PARP10: variants seen among roughly 807,000 people sequenced by gnomAD.
PARP10 encodes the protein protein mono-ADP-ribosyltransferase PARP10.
Under a neutral mutation model 82.4 loss-of-function variants are expected in PARP10, and 56 were observed. That is an observed-to-expected ratio of 0.68 (90% CI 0.55 to 0.85). PARP10 has a LOEUF of 0.85. Ranked by LOEUF, PARP10 falls within the 40% of genes least tolerant of loss-of-function variation. PARP10 has a pLI of 0.00. For synonymous variants in PARP10, 576 were observed against 601.1 expected, an observed-to-expected ratio of 0.96 and a Z score of 0.61; for missense variants, 1,227 against 1,379.4, an observed-to-expected ratio of 0.89 and a Z score of 1.75.
At chr8:143,997,840 G>A (rs782505906) in intron 1 of PARP10, among the ~76,000 whole-genome samples, 1 of 150,964 alleles carries the variant, frequency 6.6e-6, no homozygotes, top group East Asian at 1.9e-4. Context: ...CACCCAGACC[G>A]GGACACAGAT....
rs146697146 is a variant in PARP10, at chr8:143,983,515, G to A, written c.2074C>T (p.Pro692Ser). 338 of 1,606,072 alleles carry A rather than the reference G, an allele frequency of 2.1e-4. 1 individual carries two copies. The African/African-American group carries it at 4.1e-3, about 20-fold the overall frequency. The change falls in exon 8 of 11, where the codon CCG becomes TCG. Residue 692 changes from proline (P) to serine (S), a missense_variant. Physicochemically the swap from Pro to Ser is moderately conservative, Grantham distance 74. Transcript: ENST00000313028. The part of the protein sequence containing the change: ...ALTLSLLEQP[P>S]LEAEEPPDGG... ...TCTGGGGGCTCTTCTGCCTCCAACG[G>A]GGGCTGCTCCAGCAGGGAGAGGGTT... is the stretch of plus-strand genomic sequence containing the variant.
rs1833940011 is a variant in PARP10 at position 143,984,582 on chromosome 8, G to C, written c.1420C>G (p.Leu474Val). 1.2e-6 allele frequency: 2 copies of C among 1,613,590 alleles called. No homozygotes were observed. The highest frequency in any genetic ancestry group is 1.1e-5 in the South Asian group (1 of 91,078). ...DLLAGLGDVA[L>V]LPLEGPDMTG... is the part of the protein sequence containing the mutation. The stretch of plus-strand genomic sequence containing the variant: ...ATATCCGGTCCTTCAAGTGGCAAGA[G>C]AGCGACGTCTCCCAGGCCCGCAAGA... The change falls in exon 5 of 11, where the codon CTC (leucine) becomes GTC (valine). Residue 474 changes from leucine (L) to valine (V), a missense_variant. By Grantham distance (32) the Leu-to-Val change is conservative (BLOSUM62 1). Transcript: ENST00000313028.
chr8:144,000,287 A>C (rs1339946763), intron 1 of PARP10, among the ~76,000 whole-genome samples: 1 of 152,180 alleles, frequency 6.6e-6, no homozygotes, highest in Non-Finnish European at 1.5e-5. Flanking sequence ...TGATGCTTTT[A>C]TAAAACGGGG....
upstream of PARP10, chr8:143,991,392 T>G: frequency 1.7e-6 from 2 of 1,145,662 alleles, no homozygotes; most frequent in Non-Finnish European, 2.4e-6. Context: ...TCAGCCAGGG[T>G]ACCCCCATGG....
intron 1 of PARP10, among the ~76,000 whole-genome samples, chr8:144,004,950 G>A (rs1033754956): frequency 1.3e-5 from 2 of 152,012 alleles, no homozygotes; most frequent in Non-Finnish European, 2.9e-5. Flanking sequence ...AGGCCGAGGC[G>A]GGCAGATCAC....
intron 1 of PARP10, among the ~76,000 whole-genome samples, chr8:144,004,633 C>T (rs1554751940): frequency 6.6e-6 from 1 of 152,202 alleles, no homozygotes; most frequent in African/African-American, 2.4e-5. Context: ...CACAGAGATT[C>T]CTGATGAAAA....
rs576321331 is a variant in PARP10 at position 144,007,836 on chromosome 8, G to A, written c.-80+4694C>T. ...GACCCAGGGCCCATGGGAGAGCCCA[G>A]GTACTTGACATGGCCATGACTCAGT... On this transcript the variant is annotated intron_variant, in intron 1 of 3. Coordinates refer to the PARP10 transcript ENST00000530478. Among the ~76,000 whole-genome samples, 70 of 152,328 alleles carry A rather than the reference G, an allele frequency of 4.6e-4. 1 individual carries two copies. Among genetic ancestry groups the A allele is most frequent in the African/African-American group, 1.7e-3 (69 of 41,578 alleles).
chr8:143,992,916 C>G, upstream of PARP10: 2 of 1,261,882 alleles, frequency 1.6e-6, no homozygotes, highest in Non-Finnish European at 2.2e-6. Context: ...GCAGTGCCAG[C>G]TGTACTTCCC....
chr8:143,983,279 G>T lies in PARP10; in HGVS notation c.2310C>A (p.Ile770=). 1 of 1,613,022 alleles carries T rather than the reference G, an allele frequency of 6.2e-7. No individual in the cohort carries two copies. The highest frequency in any genetic ancestry group is 8.5e-7 in the Non-Finnish European group (1 of 1,179,796). ...CAGGGTGGGCCCCGAAGCCACGGAG[G>T]ATGGTGCAGTCACCACGCAGGGCAA... is the stretch of plus-strand genomic sequence containing the variant. The part of the protein sequence containing the change: ...VSVALRGDCT[I]LRGFGAHPAR... Residue 770 remains isoleucine, a synonymous_variant, in exon 8 of 11, where the codon ATC becomes ATA. Coordinates refer to ENST00000313028, the MANE Select transcript of PARP10 (RefSeq NM_032789.5).
chr8:143,986,276 C>A lies in PARP10; in HGVS notation c.3-43G>T, dbSNP rs782445903. 25 of 1,612,944 alleles carry A rather than the reference C, an allele frequency of 1.5e-5. No individual in the cohort carries two copies. The South Asian group carries it at 2.5e-4, about 16-fold the overall frequency. ...GTGGGTAGGGAAACAGCCCATTCCA[C>A]CCCTCCTGCCCCTCCCCAGGCCCCT... On this transcript the variant is annotated intron_variant, in intron 1 of 10. Coordinates refer to ENST00000313028, the MANE Select transcript of PARP10 (RefSeq NM_032789.5).
upstream of PARP10, chr8:143,992,202 T>C (rs1554750647): frequency 6.2e-7 from 1 of 1,601,390 alleles, no homozygotes; most frequent in South Asian, 1.1e-5. Context: ...AGGGGTGGCA[T>C]GGGGGCACAC....
At chr8:144,005,680 T>C (rs1834231733) in intron 1 of PARP10, among the ~76,000 whole-genome samples, 1 of 151,898 alleles carries the variant, frequency 6.6e-6, no homozygotes, top group Non-Finnish European at 1.5e-5. Flanking sequence ...ATTGGCCTCC[T>C]TGACGGTCTT....
chr8:144,007,721 A>G (rs1834244500), intron 1 of PARP10, among the ~76,000 whole-genome samples: 1 of 152,126 alleles, frequency 6.6e-6, no homozygotes, highest in Non-Finnish European at 1.5e-5. Context: ...GGCTGAAGCA[A>G]AAGAGGTGAG....
In PARP10 at chr8:143,977,700, C is replaced by T; in HGVS notation, c.2862G>A (p.Gly954=). The T allele has an allele frequency of 6.3e-7, 1 of 1,592,484 alleles. No homozygotes were observed. The highest frequency in any genetic ancestry group is 8.5e-7 in the Non-Finnish European group (1 of 1,170,354). ...GCGCCCGCAGACCGCGGCGGCCCTG[C>T]CCGTAGTCGCCAGTCAGCACCCGTG... ...FVARVLTGDY[G]QGRRGLRAPP... is the part of the protein sequence containing the mutation. Residue 954 remains glycine, a synonymous_variant, in exon 11 of 11, where the codon GGG becomes GGA. Coordinates refer to ENST00000313028, the MANE Select transcript of PARP10 (RefSeq NM_032789.5).
intron 9 of PARP10, 50 bp from the exon 10 acceptor site, chr8:143,978,131 G>GC: frequency 3.4e-6 from 5 of 1,450,154 alleles, no homozygotes; most frequent in Non-Finnish European, 4.5e-6. Flanking sequence ...ACGCCCTGGG[G>GC]CCGACGCAGG....
chr8:144,004,928 C>T (rs112800561), intron 1 of PARP10, among the ~76,000 whole-genome samples: 29 of 152,214 alleles, frequency 1.9e-4, no homozygotes, highest in African/African-American at 6.7e-4. Context: ...CCTGTAATCC[C>T]AGAACTTTGG....
chr8:143,983,818 G>A lies in PARP10; in HGVS notation c.1778-7C>T, dbSNP rs1554748454. ...AGCAGTTCTCGGACCTCCTCTGGGG[G>A]CAGGGAGAGGCCATTGGGTCAGGGG... On this transcript the variant is annotated splice_region_variant and splice_polypyrimidine_tract_variant and intron_variant, in intron 7 of 10. Coordinates refer to ENST00000313028, the MANE Select transcript of PARP10 (RefSeq NM_032789.5). The A allele has an allele frequency of 5.8e-6, 9 of 1,564,982 alleles. No homozygotes were observed. The highest frequency in any genetic ancestry group is 3.7e-5 in the Admixed American group (2 of 54,630).
rs893836174 is a variant in PARP10 at position 143,986,155 on chromosome 8, G to A, written c.81C>T (p.Leu27=). The change falls in exon 2 of 11, where the codon CTC becomes CTT. Residue 27 remains leucine (L), a synonymous_variant. Transcript: ENST00000313028. The part of the protein sequence containing the change: ...GLPPAVPDEL[L]TLYFENRRRS... Reference sequence around the variant, plus strand: ...GTCGGCGGTTTTCAAAGTAGAGAGTGAGCAGCTCGTCGGGCACGGCAGGGG... The same window carrying A: ...GTCGGCGGTTTTCAAAGTAGAGAGTAAGCAGCTCGTCGGGCACGGCAGGGG... 6 of 1,613,872 alleles carry A rather than the reference G, an allele frequency of 3.7e-6. No individual in the cohort carries two copies. The highest frequency in any genetic ancestry group is 5.1e-6 in the Non-Finnish European group (6 of 1,179,942).
intron 8 of PARP10, 49 bp from the exon 9 acceptor site, chr8:143,983,114 G>A (rs782054508): frequency 6.2e-7 from 1 of 1,613,054 alleles, no homozygotes; most frequent in African/African-American, 1.3e-5. Flanking sequence ...TGGGGCACTA[G>A]CCCCTGCTAA....
Sources: gnomAD v4.1 joint callset for allele counts (sites outside exome capture counted in the v4.1 genomes callset) on GRCh38, gnomAD v4.1.1 for gene constraint, MANE v1.5 for transcripts, NCBI Gene and HGNC (gene_info 2026-07-23, HGNC 2026-07-21) for gene names.